The following GALNT13 variants were observed in gnomAD, a reference collection of about 807,000 sequenced individuals.
The protein encoded by GALNT13 is polypeptide N-acetylgalactosaminyltransferase 13.
In GALNT13, 28 loss-of-function variants were observed where a neutral mutation model predicts 64.2. The observed-to-expected ratio is 0.44, with a 90% CI of 0.32 to 0.60. The LOEUF is 0.60. Among genes scored for constraint, GALNT13 ranks in the 20% least tolerant of loss-of-function variants. The pLI is 0.05. For missense variants in GALNT13, 577 were observed against 669.8 expected (o/e 0.86, Z 1.53); for synonymous variants, 214 against 224.6 (o/e 0.95, Z 0.42).
intron 2 of GALNT13, among the ~76,000 whole-genome samples, chr2:153,936,306 A>G (rs957630119): frequency 1.2e-4 from 18 of 152,224 alleles, no homozygotes; most frequent in African/African-American, 3.6e-4. Flanking sequence ...TGCATAGGTT[A>G]TATACAAATA....
At chr2:153,242,231 G>C in the GALNT13 span, among the ~76,000 whole-genome samples, 1 of 152,126 alleles carries the variant, frequency 6.6e-6, no homozygotes, top group East Asian at 1.9e-4. Flanking sequence ...TCAGCTTCTG[G>C]AATGATTCTA....
At chr2:153,279,551 T>C in the GALNT13 span, among the ~76,000 whole-genome samples, 1 of 151,270 alleles carries the variant, frequency 6.6e-6, no homozygotes, top group Non-Finnish European at 1.5e-5. Flanking sequence ...CCTAGTTTGC[T>C]GAGGGCTTTT....
At chr2:153,862,239 T>G in the GALNT13 span, among the ~76,000 whole-genome samples, 1 of 152,212 alleles carries the variant, frequency 6.6e-6, no homozygotes, top group Non-Finnish European at 1.5e-5. Flanking sequence ...AATAACCTTT[T>G]GTTCAGAGAA....
In GALNT13 at chr2:154,385,591, A is replaced by C. The variant is rs145104712; in HGVS notation, c.1157-10400A>C. Among the ~76,000 whole-genome samples the C allele has an allele frequency of 6.8e-4, 103 of 152,150 alleles. 1 individual carries two copies. The East Asian group carries it at 0.019, about 27-fold the overall frequency. On this transcript the variant is annotated intron_variant, in intron 9 of 12. Coordinates refer to ENST00000392825, the MANE Select transcript of GALNT13 (RefSeq NM_052917.4). ...GTCTTAATTCTTTCATCCTTAAAAC[A>C]AGTAACAATAATAATAGATAAAAAT... is the stretch of plus-strand genomic sequence containing the variant.
the GALNT13 span, among the ~76,000 whole-genome samples, chr2:153,419,815 A>C: frequency 6.6e-6 from 1 of 152,196 alleles, no homozygotes; most frequent in Non-Finnish European, 1.5e-5. Flanking sequence ...GTTTCACGTG[A>C]ATATACAATT....
At chr2:153,571,727 C>G in the GALNT13 span, among the ~76,000 whole-genome samples, 1 of 151,952 alleles carries the variant, frequency 6.6e-6, no homozygotes, top group African/African-American at 2.4e-5. Flanking sequence ...ATCCTTCATT[C>G]TGTTGATATG....
chr2:153,605,187 G>A, the GALNT13 span, among the ~76,000 whole-genome samples: 5 of 152,070 alleles, frequency 3.3e-5, no homozygotes, highest in Admixed American at 3.3e-4. Flanking sequence ...CTTTTTCGCA[G>A]CCTTCTATTC....
At chr2:154,096,233 C>T (rs1702066327) in intron 3 of GALNT13, among the ~76,000 whole-genome samples, 1 of 152,002 alleles carries the variant, frequency 6.6e-6, no homozygotes, top group Non-Finnish European at 1.5e-5. Flanking sequence ...ATCCCCATCA[C>T]CAACTCCATT....
chr2:153,979,710 A>G (rs1177490745), intron 3 of GALNT13, among the ~76,000 whole-genome samples: 1 of 152,230 alleles, frequency 6.6e-6, no homozygotes, highest in Non-Finnish European at 1.5e-5. Flanking sequence ...AAGTATGATT[A>G]TAAACATTCT....
At chr2:153,496,668 G>T in the GALNT13 span, among the ~76,000 whole-genome samples, 7 of 152,044 alleles carry the variant, frequency 4.6e-5, no homozygotes, top group African/African-American at 1.7e-4. Flanking sequence ...AAACCTGTTA[G>T]GTGGGAAACC....
At chr2:153,530,775 AC>A in the GALNT13 span, among the ~76,000 whole-genome samples, 1 of 152,190 alleles carries the variant, frequency 6.6e-6, no homozygotes, top group Non-Finnish European at 1.5e-5. Context: ...TGTGCCAATA[AC>A]ATGCACTGAG....
the GALNT13 span, among the ~76,000 whole-genome samples, chr2:153,315,092 A>G: frequency 3.3e-5 from 5 of 152,204 alleles, no homozygotes; most frequent in African/African-American, 1.2e-4. Context: ...TATCAGGCAA[A>G]TAGTTTTCAA....
chr2:153,275,635 TC>T, the GALNT13 span, among the ~76,000 whole-genome samples: 1 of 148,584 alleles, frequency 6.7e-6, no homozygotes, highest in Non-Finnish European at 1.5e-5. Flanking sequence ...TCTTTCTCTC[TC>T]ATGATTCAAT....
the GALNT13 span, among the ~76,000 whole-genome samples, chr2:153,082,772 A>G: frequency 6.9e-6 from 1 of 145,938 alleles, no homozygotes; most frequent in East Asian, 2.0e-4. Context: ...AATATATATT[A>G]TTTATTGAAT....
At chr2:154,115,952 A>G (rs533831723) in intron 3 of GALNT13, among the ~76,000 whole-genome samples, 1 of 152,222 alleles carries the variant, frequency 6.6e-6, no homozygotes, top group South Asian at 2.1e-4. Flanking sequence ...CACACTCTGA[A>G]CCTTACCTCT....
chr2:153,213,602 T>G, the GALNT13 span, among the ~76,000 whole-genome samples: 2 of 152,204 alleles, frequency 1.3e-5, no homozygotes, highest in Admixed American at 1.3e-4. Flanking sequence ...GCCTTGGTCT[T>G]GATGGGAGGA....
chr2:153,158,707 T>G, the GALNT13 span, among the ~76,000 whole-genome samples: 1 of 152,174 alleles, frequency 6.6e-6, no homozygotes, highest in African/African-American at 2.4e-5. Flanking sequence ...AAATATTCTA[T>G]TGTATGGGAT....
intron 3 of GALNT13, among the ~76,000 whole-genome samples, chr2:154,132,044 AACC>A (rs1324256607): frequency 6.6e-6 from 1 of 152,156 alleles, no homozygotes; most frequent in East Asian, 1.9e-4. Flanking sequence ...GCTTTTACCT[AACC>A]ACGCTGGCAG....
chr2:154,133,420 G>A (rs183776480), intron 3 of GALNT13, among the ~76,000 whole-genome samples: 64 of 151,060 alleles, frequency 4.2e-4, no homozygotes, highest in Non-Finnish European at 7.4e-4. Flanking sequence ...GAGTTGCTAT[G>A]ATTAAAGATT....
Sources: allele counts gnomAD v4.1 joint callset (sites outside exome capture counted in the v4.1 genomes callset), GRCh38; gene constraint gnomAD v4.1.1; transcripts MANE v1.5; gene names NCBI Gene and HGNC (gene_info 2026-07-23, HGNC 2026-07-21).